The following SPATA17 variants were observed in gnomAD, a reference collection of about 807,000 sequenced individuals.
The protein encoded by SPATA17 is spermatogenesis associated 17.
A neutral mutation model predicts 62.2 loss-of-function variants in SPATA17; 53 were observed. That is an observed-to-expected ratio of 0.85 (90% CI 0.68 to 1.07). The LOEUF (loss-of-function observed/expected upper bound fraction) is 1.07, where lower values mean the gene tolerates loss of function less well. Ranked by LOEUF, SPATA17 falls within the 50% of genes least tolerant of loss-of-function variation. SPATA17 has a pLI of 0.00. For missense variants in SPATA17, 466 were observed against 425.5 expected (o/e 1.10, Z -0.84); for synonymous variants, 146 against 146.8 (o/e 0.99, Z 0.04).
chr1:217,775,151 T>G (rs1197700208), intron 7 of SPATA17, among the ~76,000 whole-genome samples: 1 of 152,214 alleles, frequency 6.6e-6, no homozygotes, highest in African/African-American at 2.4e-5. Flanking sequence ...ACATTCTTGT[T>G]GCAGTTTTGA....
At chr1:217,639,852 CAT>C (rs749866834) in intron 1 of SPATA17, among the ~76,000 whole-genome samples, 30 of 152,196 alleles carry the variant, frequency 2.0e-4, no homozygotes, top group African/African-American at 7.0e-4. Context: ...CTCTCAATGA[CAT>C]GTGCATCTTC....
chr1:217,774,032 A>AT (rs918132592), intron 6 of SPATA17, among the ~76,000 whole-genome samples: 1 of 152,132 alleles, frequency 6.6e-6, no homozygotes, highest in Non-Finnish European at 1.5e-5. Context: ...TCTTACTGTA[A>AT]TTTTTTCTTA....
rs929131246 is a variant in SPATA17 at position 217,652,404 on chromosome 1, TTG to T, written c.240+1230_240+1231del. On this transcript the variant is annotated intron_variant, in intron 3 of 10. Transcript: ENST00000366933. The stretch of plus-strand genomic sequence containing the variant: ...CAGCCACCACACCTGGCTAATTTTT[TTG>T]TGTTTTTAGTAGAGACAGGGTTTCA... Among the ~76,000 whole-genome samples, 47 of 152,214 alleles carry T rather than the reference TTG, an allele frequency of 3.1e-4. 1 individual carries two copies. Among genetic ancestry groups the T allele is most frequent in the African/African-American group, 9.6e-4 (40 of 41,532 alleles).
intron 8 of SPATA17, among the ~76,000 whole-genome samples, 170 bp from the exon 9 acceptor site, chr1:217,801,548 A>ATTAACAC (rs1450539919): frequency 3.3e-5 from 5 of 152,188 alleles, no homozygotes; most frequent in Admixed American, 6.5e-5. Context: ...AGATTAATAG[A>ATTAACAC]AGTAATTAAC....
intron 9 of SPATA17, among the ~76,000 whole-genome samples, chr1:217,855,729 A>ATTTTTTTTTTT (rs3081687): frequency 2.3e-5 from 3 of 128,882 alleles, no homozygotes; most frequent in Non-Finnish European, 4.8e-5. Flanking sequence ...AGAAGGAACT[A>ATTTTTTTTTTT]TTTTTTTTTT....
intron 9 of SPATA17, among the ~76,000 whole-genome samples, chr1:217,840,412 A>C (rs963922896): frequency 6.6e-6 from 1 of 152,134 alleles, no homozygotes; most frequent in Non-Finnish European, 1.5e-5. Flanking sequence ...CTAACCTAGG[A>C]TATTGATATT....
Position 217,777,477 on chromosome 1 carries a change from C to CT in SPATA17, c.723+2941dup, listed in dbSNP as rs536671029. On this transcript the variant is annotated intron_variant, in intron 7 of 10. Transcript: ENST00000366933. ...AGTGCAGTGGAGGGATCTCAGCACA[C>CT]TACCACTTCTGCCTCCCTGGTTCAA... 1.1e-4 allele frequency among the ~76,000 whole-genome samples: 17 copies of CT among 152,258 alleles called. No homozygotes were observed. The East Asian group carries it at 3.1e-3, about 28-fold the overall frequency.
intron 5 of SPATA17, among the ~76,000 whole-genome samples, chr1:217,697,549 T>A (rs1269205194): frequency 6.6e-6 from 1 of 152,162 alleles, no homozygotes; most frequent in East Asian, 1.9e-4. Context: ...TTATTGGGAA[T>A]CTCTTTGTGA....
chr1:217,765,189 A>G (rs1241882138), intron 6 of SPATA17, among the ~76,000 whole-genome samples: 4 of 151,710 alleles, frequency 2.6e-5, no homozygotes, highest in Non-Finnish European at 5.9e-5. Flanking sequence ...ATAGAGAATA[A>G]TTAATTTTAT....
chr1:217,792,260 G>C (rs902433653), intron 8 of SPATA17, among the ~76,000 whole-genome samples: 1 of 152,142 alleles, frequency 6.6e-6, no homozygotes, highest in East Asian at 1.9e-4. Context: ...CACTGTCTCA[G>C]AGCTTTCTTA....
chr1:217,801,270 C>T (rs1300917657), intron 8 of SPATA17, among the ~76,000 whole-genome samples: 1 of 152,156 alleles, frequency 6.6e-6, no homozygotes, highest in Non-Finnish European at 1.5e-5. Context: ...TAACTGCTAC[C>T]ACTACCAATA....
intron 5 of SPATA17, among the ~76,000 whole-genome samples, chr1:217,723,743 G>A (rs557231165): frequency 1.3e-5 from 2 of 152,306 alleles, no homozygotes; most frequent in Admixed American, 1.3e-4. Flanking sequence ...TAGGGCAGAC[G>A]AGAGACCAAA....
intron 9 of SPATA17, among the ~76,000 whole-genome samples, chr1:217,855,758 C>T (rs1249182912): frequency 1.6e-5 from 2 of 127,392 alleles, no homozygotes; most frequent in African/African-American, 2.9e-5. Context: ...GATGGAGTCT[C>T]GCTGTGTCGC....
intron 9 of SPATA17, among the ~76,000 whole-genome samples, chr1:217,808,222 CCTTCAGGTGGGAAAGG>C (rs1674489153): frequency 6.6e-6 from 1 of 152,110 alleles, no homozygotes; most frequent in East Asian, 1.9e-4. Context: ...CAAGTGCCTG[CCTTCAGGTGGGAAAGG>C]CAAAGAGAAG....
chr1:217,836,366 AG>A (rs903680006), intron 9 of SPATA17, among the ~76,000 whole-genome samples: 1 of 152,150 alleles, frequency 6.6e-6, no homozygotes, highest in Admixed American at 6.6e-5. Flanking sequence ...ATAAGAAAAC[AG>A]CCTATATAGT....
intron 9 of SPATA17, among the ~76,000 whole-genome samples, chr1:217,827,189 T>G (rs1675018597): frequency 6.6e-6 from 1 of 152,080 alleles, no homozygotes; most frequent in African/African-American, 2.4e-5. Flanking sequence ...GAATTCATTT[T>G]CTATATTAAA....
chr1:217,865,617 T>C (rs1675993110), intron 10 of SPATA17, among the ~76,000 whole-genome samples: 1 of 152,230 alleles, frequency 6.6e-6, no homozygotes, highest in South Asian at 2.1e-4. Context: ...TTGTGTCCTG[T>C]CAAGAGTGTT....
chr1:217,678,892 G>C (rs566077984), intron 4 of SPATA17, among the ~76,000 whole-genome samples: 1 of 151,396 alleles, frequency 6.6e-6, no homozygotes, highest in South Asian at 2.1e-4. Flanking sequence ...TAATTACTTT[G>C]AAGGACATGA....
At chr1:217,819,282 A>T (rs1176327773) in intron 9 of SPATA17, among the ~76,000 whole-genome samples, 1 of 151,686 alleles carries the variant, frequency 6.6e-6, no homozygotes, top group Non-Finnish European at 1.5e-5. Context: ...TTCTGTTAGT[A>T]TGGTAAATTT....
Sources: allele counts gnomAD v4.1 joint callset (sites outside exome capture counted in the v4.1 genomes callset), GRCh38; gene constraint gnomAD v4.1.1; transcripts MANE v1.5; gene names NCBI Gene and HGNC (gene_info 2026-07-23, HGNC 2026-07-21).